The following PHACTR2 variants were observed in gnomAD, a reference collection of about 807,000 sequenced individuals.
PHACTR2 encodes phosphatase and actin regulator 2, also known as chromosome 6 open reading frame 56.
A neutral mutation model predicts 76.0 loss-of-function variants in PHACTR2; 30 were observed. The observed-to-expected ratio is 0.39, with a 90% confidence interval of 0.30 to 0.54. The LOEUF is 0.54. Among genes scored for constraint, PHACTR2 ranks in the 20% least tolerant of loss-of-function variants. The pLI, the probability that PHACTR2 is intolerant of heterozygous loss-of-function variation, is 0.61. For synonymous variants in PHACTR2, 292 were observed against 292.5 expected (o/e 1.00, Z 0.02); for missense variants, 696 against 781.1 (o/e 0.89, Z 1.30).
In PHACTR2 at chr6:143,819,244, G is replaced by A. The variant is rs1776363647; in HGVS notation, c.1923-4430G>A. Among the ~76,000 whole-genome samples, 1 of 152,110 alleles carries A rather than the reference G, an allele frequency of 6.6e-6. No homozygotes were observed. ...TAGGACCTGTCTCATAAGGTCCTCAGGTGGTTATGTTCCAGTAGAGAAGCA... is the reference window on the plus strand; with the variant it reads ...TAGGACCTGTCTCATAAGGTCCTCAAGTGGTTATGTTCCAGTAGAGAAGCA... On this transcript the variant is annotated intron_variant, in intron 12 of 12. Transcript: ENST00000440869. This position sits in a 1 kb window ranked among gnomAD's most constrained non-coding sequence, Gnocchi z 5.0.
At chr6:143,798,946 G>A (rs975939875) in intron 11 of PHACTR2, among the ~76,000 whole-genome samples, 10 of 152,164 alleles carry the variant, frequency 6.6e-5, no homozygotes, top group Non-Finnish European at 1.5e-4. Context: ...GATTGGGATA[G>A]TTTCAGAAGG....
rs552770108 is a variant in PHACTR2 at position 143,658,771 on chromosome 6, T to A, written c.13+50449T>A. Among the ~76,000 whole-genome samples, 3 of 152,262 alleles carry A rather than the reference T, an allele frequency of 2.0e-5. No individual in the cohort carries two copies. The South Asian group carries it at 6.2e-4, about 32-fold the overall frequency. On this transcript the variant is annotated intron_variant, in intron 1 of 11. Coordinates refer to the PHACTR2 transcript ENST00000305766. This position sits in a 1 kb window ranked among gnomAD's most constrained non-coding sequence, Gnocchi z 4.1. Reference sequence around the variant, plus strand: ...TTGGGCACAGTGACTCTGCCTGTAATCTCAGCACTTCGGGAGGCCAAGGTG... The same window carrying A: ...TTGGGCACAGTGACTCTGCCTGTAAACTCAGCACTTCGGGAGGCCAAGGTG...
intron 12 of PHACTR2, among the ~76,000 whole-genome samples, chr6:143,813,511 C>A (rs760357332): frequency 6.7e-6 from 1 of 150,190 alleles, no homozygotes; most frequent in Non-Finnish European, 1.5e-5. Context: ...CCAGCTACTC[C>A]AGAGGCTGAG....
At chr6:143,790,830 C>A (rs1259737560) in intron 11 of PHACTR2, among the ~76,000 whole-genome samples, 1 of 152,062 alleles carries the variant, frequency 6.6e-6, no homozygotes. Context: ...CCCGCCACCA[C>A]GCCCAGCTAT....
At chr6:143,713,652 T>C (rs1486490147) in intron 2 of PHACTR2, among the ~76,000 whole-genome samples, 1 of 152,136 alleles carries the variant, frequency 6.6e-6, no homozygotes, top group East Asian at 1.9e-4. Flanking sequence ...GCCTGCAAAA[T>C]CGGGTAGTTG....
chr6:143,549,051 C>T lies in PHACTR2; in HGVS notation c.217+11844C>T, dbSNP rs1330137460. 1.3e-5 allele frequency among the ~76,000 whole-genome samples: 2 copies of T among 151,876 alleles called. No individual in the cohort carries two copies. The highest frequency in any genetic ancestry group is 2.4e-5 in the African/African-American group (1 of 41,378). On this transcript the variant is annotated intron_variant, in intron 1 of 11. Coordinates refer to the PHACTR2 transcript ENST00000367584. This position sits in a 1 kb window ranked among gnomAD's most constrained non-coding sequence, Gnocchi z 4.2. ...GCTTGGCCATGAAGACAGGCATTCT[C>T]TCCCCCCGACCCAGATTGACATGGT...
rs1340990333 is a variant in PHACTR2, at chr6:143,585,824, A to G, written c.217+48617A>G. 6.6e-6 allele frequency among the ~76,000 whole-genome samples: 1 copy of G among 152,222 alleles called. No homozygotes were observed. Among genetic ancestry groups the G allele is most frequent in the Non-Finnish European group, 1.5e-5 (1 of 68,034 alleles). ...CAAATTAGATTTGGCTAGGGAATTA[A>G]TGTAGCGCTGAATGTTTAAACGGGA... On this transcript the variant is annotated intron_variant, in intron 1 of 11. Coordinates refer to the PHACTR2 transcript ENST00000367584. This position sits in a 1 kb window ranked among gnomAD's most constrained non-coding sequence, Gnocchi z 5.2.
Position 143,764,909 on chromosome 6 carries a change from G to A in PHACTR2, c.695-352G>A, listed in dbSNP as rs777550367. Among the ~76,000 whole-genome samples the A allele has an allele frequency of 6.6e-5, 10 of 152,086 alleles. No homozygotes were observed. Among genetic ancestry groups the A allele is most frequent in the Admixed American group, 4.6e-4 (7 of 15,268 alleles). The stretch of plus-strand genomic sequence containing the variant: ...CTAGCTGCTGATGTCTGTCCTTTAC[G>A]CACCATAACATTCCTTCTTGAGAGC... On this transcript the variant is annotated intron_variant, in intron 5 of 12. Transcript: ENST00000440869. This position sits in a 1 kb window ranked among gnomAD's most constrained non-coding sequence, Gnocchi z 4.7.
Position 143,570,719 on chromosome 6 carries a change from G to A in PHACTR2, c.217+33512G>A, listed in dbSNP as rs911453793. Among the ~76,000 whole-genome samples the A allele has an allele frequency of 7.2e-5, 11 of 152,098 alleles. No individual in the cohort carries two copies. The East Asian group carries it at 1.7e-3, about 24-fold the overall frequency. On this transcript the variant is annotated intron_variant, in intron 1 of 11. Coordinates refer to the PHACTR2 transcript ENST00000367584. This position sits in a 1 kb window ranked among gnomAD's most constrained non-coding sequence, Gnocchi z 4.6. ...CCTTTGCACAGCAGCCATGGCCAGC[G>A]TGAGGTGCATGTGCAAGTGGAGAAG...
At chr6:143,707,610 T>C (rs2488098) in intron 1 of PHACTR2, among the ~76,000 whole-genome samples, 44,090 of 152,156 alleles carry the variant, frequency 0.29, 7,556 homozygotes, top group Non-Finnish European at 0.4. Flanking sequence ...TTAAATAGTA[T>C]AAACATACAA....
At position 143,563,556 on chromosome 6, in the gene PHACTR2, A is replaced by AAAAAAAC. The variant is rs1554287768; in HGVS notation, c.217+26355_217+26356insCAAAAAA. The stretch of plus-strand genomic sequence containing the variant: ...GGGCGACACAAACTCCGTCTCAAAA[A>AAAAAAAC]AAAAAAAAAAAAAAAGAAGAAACCC... On this transcript the variant is annotated intron_variant, in intron 1 of 11. Coordinates refer to the PHACTR2 transcript ENST00000367584. Among the ~76,000 whole-genome samples the AAAAAAAC allele has an allele frequency of 2.2e-4, 29 of 128,924 alleles. 1 individual carries two copies. The East Asian group carries it at 4.2e-3, about 19-fold the overall frequency. The allele number at this position is 128,924 out of a possible 152,430, so 84.6% of individuals were successfully genotyped here. A position where few individuals can be genotyped will look rare whatever the true frequency, so the allele number is the denominator to read the frequency against.
At chr6:143,792,473 T>A (rs528336375) in intron 11 of PHACTR2, among the ~76,000 whole-genome samples, 1 of 152,142 alleles carries the variant, frequency 6.6e-6, no homozygotes, top group Admixed American at 6.5e-5. Flanking sequence ...TAGTTGACCC[T>A]GCTCTAGTCA....
Position 143,625,273 on chromosome 6 carries a change from T to C in PHACTR2, c.13+16951T>C, listed in dbSNP as rs1057474242. Among the ~76,000 whole-genome samples the C allele has an allele frequency of 2.0e-5, 3 of 152,236 alleles. No homozygotes were observed. Among genetic ancestry groups the C allele is most frequent in the African/African-American group, 7.2e-5 (3 of 41,470 alleles). On this transcript the variant is annotated intron_variant, in intron 1 of 11. Transcript: ENST00000305766. This position sits in a 1 kb window ranked among gnomAD's most constrained non-coding sequence, Gnocchi z 4.3. The stretch of plus-strand genomic sequence containing the variant: ...ATACGTACAATAGAATTAGATAGTT[T>C]CTGTGCCAGAATTCTTATTTATTGT...
rs1281758481 is a variant in PHACTR2 at position 143,641,944 on chromosome 6, A to C, written c.13+33622A>C. ...GACACTAAAGAATGCCTAGATATTT[A>C]TGCATCTAACTAGGTAATCGTGTTT... On this transcript the variant is annotated intron_variant, in intron 1 of 11. Coordinates refer to the PHACTR2 transcript ENST00000305766. The surrounding 1 kb of genome is among the most constrained non-coding windows in gnomAD (Gnocchi z 5.8). Among the ~76,000 whole-genome samples, 1 of 152,200 alleles carries C rather than the reference A, an allele frequency of 6.6e-6. No homozygotes were observed. The highest frequency in any genetic ancestry group is 1.5e-5 in the Non-Finnish European group (1 of 68,040).
Position 143,722,738 on chromosome 6 carries a change from C to A in PHACTR2, c.214+10555C>A, listed in dbSNP as rs1274727271. ...TTCTATCTAACTGTACATTTGTACC[C>A]CTTAACCATCCCTCCTCCCCACTAC... On this transcript the variant is annotated intron_variant, in intron 2 of 12. Coordinates refer to ENST00000440869, the MANE Select transcript of PHACTR2 (RefSeq NM_001100164.2). This position sits in a 1 kb window ranked among gnomAD's most constrained non-coding sequence, Gnocchi z 4.1. 7.9e-5 allele frequency among the ~76,000 whole-genome samples: 12 copies of A among 152,064 alleles called. No individual in the cohort carries two copies. Among genetic ancestry groups the A allele is most frequent in the Admixed American group, 7.9e-4 (12 of 15,260 alleles).
In PHACTR2 at chr6:143,776,248, G is replaced by T. The variant is rs904126055; in HGVS notation, c.1590-1080G>T. On this transcript the variant is annotated intron_variant, in intron 8 of 12. Transcript: ENST00000440869. The surrounding 1 kb of genome is among the most constrained non-coding windows in gnomAD (Gnocchi z 5.3). ...CTTAACCTTACTGTGCTAAAAGTCT[G>T]GTCACAATTATTTGTGGTGAAGAAA... 2.0e-5 allele frequency among the ~76,000 whole-genome samples: 3 copies of T among 152,106 alleles called. No individual in the cohort carries two copies. Among genetic ancestry groups the T allele is most frequent in the Non-Finnish European group, 4.4e-5 (3 of 68,018 alleles).
chr6:143,578,393 A>G lies in PHACTR2; in HGVS notation c.217+41186A>G, dbSNP rs1339203992. Among the ~76,000 whole-genome samples the G allele has an allele frequency of 6.6e-6, 1 of 152,172 alleles. No individual in the cohort carries two copies. The highest frequency in any genetic ancestry group is 1.9e-4 in the East Asian group (1 of 5,182). On this transcript the variant is annotated intron_variant, in intron 1 of 11. Transcript: ENST00000367584. The surrounding 1 kb of genome is among the most constrained non-coding windows in gnomAD (Gnocchi z 4.5). ...GAGGCCAGAAGTCAAGAGAATAGAT[A>G]CGTGGCATTAGGCTTTCCCCATAAG...
rs1775442210 is a variant in PHACTR2 at position 143,571,173 on chromosome 6, C to T, written c.217+33966C>T. On this transcript the variant is annotated intron_variant, in intron 1 of 11. Coordinates refer to the PHACTR2 transcript ENST00000367584. The surrounding 1 kb of genome is among the most constrained non-coding windows in gnomAD (Gnocchi z 4.6). Reference sequence around the variant, plus strand: ...CAGTACAGTACTTCTAACTAATCTGCAGCTGTCATTCAAATTTAGCCAATT... The same window carrying T: ...CAGTACAGTACTTCTAACTAATCTGTAGCTGTCATTCAAATTTAGCCAATT... Among the ~76,000 whole-genome samples the T allele has an allele frequency of 6.6e-6, 1 of 152,172 alleles. No homozygotes were observed. The highest frequency in any genetic ancestry group is 6.5e-5 in the Admixed American group (1 of 15,286).
rs1775980409 is a variant in PHACTR2, at chr6:143,611,825, T to A, written c.13+3503T>A. 6.6e-6 allele frequency among the ~76,000 whole-genome samples: 1 copy of A among 152,124 alleles called. No individual in the cohort carries two copies. The highest frequency in any genetic ancestry group is 1.5e-5 in the Non-Finnish European group (1 of 68,010). ...CAAGTGGCTGTCTCAGAAGTAGAAC[T>A]GGAAATTTATGTGGGTGGTGCAATG... On this transcript the variant is annotated intron_variant, in intron 1 of 11. Transcript: ENST00000305766. This position sits in a 1 kb window ranked among gnomAD's most constrained non-coding sequence, Gnocchi z 4.4.
Sources: gnomAD v4.1 joint callset for allele counts (sites outside exome capture counted in the v4.1 genomes callset) on GRCh38, gnomAD v4.1.1 for gene constraint, Gnocchi (gnomAD v3.1) non-coding constraint, MANE v1.5 for transcripts, NCBI Gene and HGNC (gene_info 2026-07-23, HGNC 2026-07-21) for gene names.